The following ECPAS variants were observed in gnomAD, a reference collection of about 807,000 sequenced individuals.
The protein encoded by ECPAS is Ecm29 proteasome adaptor and scaffold.
A neutral mutation model predicts 255.1 loss-of-function variants in ECPAS; 70 were observed. That is an observed-to-expected ratio of 0.27 (90% CI 0.23 to 0.33). The LOEUF is 0.33. Ranked by LOEUF, ECPAS falls within the 10% of genes least tolerant of loss-of-function variation. The pLI, the probability that ECPAS is intolerant of heterozygous loss-of-function variation, is 1.00. For synonymous variants in ECPAS, 784 were observed against 775.0 expected (o/e 1.01, Z -0.19); for missense variants, 1,817 against 2,206.4 (o/e 0.82, Z 3.54).
intron 3 of ECPAS, among the ~76,000 whole-genome samples, chr9:111,446,040 G>C (rs945035873): frequency 5.9e-5 from 9 of 152,194 alleles, no homozygotes; most frequent in African/African-American, 2.2e-4. Flanking sequence ...GTAGTCCATG[G>C]TGTATATGTG....
At position 111,385,329 on chromosome 9, in the gene ECPAS, T is replaced by C; in HGVS notation, c.3633+8A>G. On this transcript the variant is annotated splice_region_variant and intron_variant, in intron 33 of 49. Coordinates refer to ENST00000684092, the MANE Select transcript of ECPAS (RefSeq NM_001364929.1). Reference sequence around the variant, plus strand: ...GTATATATAAATGCTGATTTATTTCTATAATACCTTGATATCATCTTGTAC... The same window carrying C: ...GTATATATAAATGCTGATTTATTTCCATAATACCTTGATATCATCTTGTAC... The C allele has an allele frequency of 1.6e-6, 2 of 1,287,798 alleles. No homozygotes were observed. The highest frequency in any genetic ancestry group is 2.5e-5 in the East Asian group (1 of 40,440). 79.8% of individuals were successfully genotyped at this position (1,287,798 alleles called of 1,614,324 possible).
chr9:111,467,598 A>G (rs2098281137), intron 2 of ECPAS, among the ~76,000 whole-genome samples: 1 of 152,192 alleles, frequency 6.6e-6, no homozygotes, highest in Admixed American at 6.5e-5. Flanking sequence ...CTTAAGTAGA[A>G]GCTGAAATTG....
intron 32 of ECPAS, 103 bp downstream of exon 32, chr9:111,386,274 T>C (rs943420299): frequency 6.3e-6 from 5 of 788,616 alleles, no homozygotes; most frequent in African/African-American, 1.8e-5. Context: ...AGCTTTTTAG[T>C]AGTTTTAATT....
intron 2 of ECPAS, among the ~76,000 whole-genome samples, chr9:111,470,746 CCA>C (rs57091815): frequency 0.068 from 8,408 of 124,426 alleles, 313 homozygotes; most frequent in East Asian, 0.16. Context: ...TCTCCTCCCG[CCA>C]CACACACACA....
rs767798769 is a variant in ECPAS, at chr9:111,383,220, C to T, written c.3794G>A (p.Arg1265Gln). The T allele has an allele frequency of 4.3e-6, 7 of 1,613,652 alleles. No individual in the cohort carries two copies. Among genetic ancestry groups the T allele is most frequent in the African/African-American group, 2.7e-5 (2 of 74,912 alleles). The change falls in exon 35 of 50, where the codon CGA becomes CAA. Residue 1265 changes from arginine (R) to glutamine (Q), a missense_variant. Arg to Gln is a conservative substitution (Grantham distance 43, BLOSUM62 1). Around this residue, in one of 4 missense-constraint regions of ECPAS, gnomAD observed 960 missense variants for 1,179.0 expected, o/e 0.81. Coordinates refer to ENST00000684092, the MANE Select transcript of ECPAS (RefSeq NM_001364929.1). The part of the protein sequence containing the change: ...KGMMSTVTEV[R>Q]ALSINTLVKI... ...ATCAACGGATGCACACCTGAGGGCT[C>T]GAACTTCCGTCACGGTGCTCATCAT... is the stretch of plus-strand genomic sequence containing the variant.
At chr9:111,475,654 T>C (rs2098295271) in intron 1 of ECPAS, among the ~76,000 whole-genome samples, 1 of 151,670 alleles carries the variant, frequency 6.6e-6, no homozygotes, top group African/African-American at 2.4e-5. Flanking sequence ...GAGAATCACT[T>C]GAACCTGGGA....
At chr9:111,363,792 TA>T in intron 48 of ECPAS, 133 bp from the exon 49 acceptor site, 8 of 564,436 alleles carry the variant, frequency 1.4e-5, no homozygotes, top group Admixed American at 3.7e-5. Flanking sequence ...TTTTTTTTTT[TA>T]AAGGAAGCTT....
At chr9:111,440,034 CTT>C (rs200543794) in intron 6 of ECPAS, among the ~76,000 whole-genome samples, 3 of 147,442 alleles carry the variant, frequency 2.0e-5, no homozygotes, top group South Asian at 2.1e-4. Context: ...AAAAGAGAAA[CTT>C]TTTTTTTTTT....
chr9:111,483,910 T>G, intron 1 of ECPAS: 1 of 662,382 alleles, frequency 1.5e-6, no homozygotes. Context: ...AGCTGAGCCA[T>G]CCTCCCAGCG....
intron 2 of ECPAS, among the ~76,000 whole-genome samples, chr9:111,453,829 G>A (rs894292322): frequency 1.3e-5 from 2 of 152,044 alleles, no homozygotes; most frequent in Non-Finnish European, 2.9e-5. Context: ...GGACGTTCAA[G>A]ATCATGAAAA....
intron 18 of ECPAS, among the ~76,000 whole-genome samples, chr9:111,415,763 A>C (rs1272079778): frequency 6.6e-6 from 1 of 152,046 alleles, no homozygotes; most frequent in African/African-American, 2.4e-5. Flanking sequence ...GCTGCCAAGG[A>C]GTCCATCCTC....
Position 111,371,615 on chromosome 9 carries a change from C to A in ECPAS, c.4737+6G>T, listed in dbSNP as rs767072601. ...CCCTTTAACTGGGTATGAATGGTTCCTTTACCTTTCCTGCCCACGTTCTTC... is the reference window on the plus strand; with the variant it reads ...CCCTTTAACTGGGTATGAATGGTTCATTTACCTTTCCTGCCCACGTTCTTC... On this transcript the variant is annotated splice_donor_region_variant and intron_variant, in intron 43 of 49. Coordinates refer to ENST00000684092, the MANE Select transcript of ECPAS (RefSeq NM_001364929.1). 6.2e-7 allele frequency: 1 copy of A among 1,612,376 alleles called. No individual in the cohort carries two copies. Among genetic ancestry groups the A allele is most frequent in the Non-Finnish European group, 8.5e-7 (1 of 1,178,926 alleles).
At position 111,384,397 on chromosome 9, in the gene ECPAS, G is replaced by A; in HGVS notation, c.3681+125C>T. The A allele has an allele frequency of 3.8e-6, 3 of 794,768 alleles. No individual in the cohort carries two copies. In the South Asian group the frequency reaches 4.6e-5, roughly 12 times the overall value. The allele number at this position is 794,768 out of a possible 1,614,324, so 49.2% of individuals were successfully genotyped here. A position where few individuals can be genotyped will look rare whatever the true frequency, so the allele number is the denominator to read the frequency against. On this transcript the variant is annotated intron_variant, in intron 34 of 49. Transcript: ENST00000684092. ...CTTTCTCATTCATTCTAAGAGCAGT[G>A]AACTACAACATGAAGCCAATTATAC... is the stretch of plus-strand genomic sequence containing the variant.
At chr9:111,451,367 G>C in intron 3 of ECPAS, 58 bp downstream of exon 3, 1 of 1,488,706 alleles carries the variant, frequency 6.7e-7, no homozygotes, top group East Asian at 2.5e-5. Context: ...AAACTCACTT[G>C]ATAATGTATA....
chr9:111,445,586 C>T (rs1433055067), intron 3 of ECPAS, among the ~76,000 whole-genome samples: 4 of 151,984 alleles, frequency 2.6e-5, no homozygotes, highest in South Asian at 2.1e-4. Context: ...AAGCCCAGAA[C>T]GATAAGAGTT....
chr9:111,480,290 TTC>T (rs1322868493), intron 1 of ECPAS, among the ~76,000 whole-genome samples: 1,506 of 137,872 alleles, frequency 0.011, 42 homozygotes, highest in East Asian at 0.051. Flanking sequence ...AAAGCACCTT[TTC>T]TTTTTTTTTT....
At chr9:111,373,004 C>T (rs1302960626) in intron 41 of ECPAS, among the ~76,000 whole-genome samples, 166 bp downstream of exon 41, 1 of 152,038 alleles carries the variant, frequency 6.6e-6, no homozygotes. Flanking sequence ...TGCACTCCAA[C>T]CTCAGCGACA....
chr9:111,390,126 G>A (rs776339758), intron 29 of ECPAS, 25 bp from the exon 30 acceptor site: 6 of 1,380,726 alleles, frequency 4.3e-6, no homozygotes, highest in Admixed American at 1.9e-5. Context: ...AAAAGAGGTA[G>A]GCAATAATAC....
In ECPAS at chr9:111,371,517, A is replaced by G; in HGVS notation, c.4737+104T>C. 2.7e-6 allele frequency: 3 copies of G among 1,093,074 alleles called. No homozygotes were observed. In the South Asian group the frequency reaches 4.3e-5, roughly 16 times the overall value. The allele number at this position is 1,093,074 out of a possible 1,614,324, so 67.7% of individuals were successfully genotyped here. On this transcript the variant is annotated intron_variant, in intron 43 of 49. Transcript: ENST00000684092. ...CACTGTCTAGGAAATCTAGTTCACA[A>G]AAATAATCCATTGGAAAAGTTACAC...
Sources: allele counts gnomAD v4.1 joint callset (sites outside exome capture counted in the v4.1 genomes callset), GRCh38; gene constraint gnomAD v4.1.1; regional missense constraint gnomAD v4.1.1; transcripts MANE v1.5; gene names NCBI Gene and HGNC (gene_info 2026-07-23, HGNC 2026-07-21).